The following KLHL7 variants were observed in gnomAD, a reference collection of about 807,000 sequenced individuals.
KLHL7 encodes the protein kelch like family member 7, also known as kelch-like protein 7.
KLHL7 carries 44 observed loss-of-function variants against 67.4 expected under a neutral mutation model. The ratio of observed to expected loss-of-function variants is 0.65; its 90% CI spans 0.51 to 0.84. KLHL7 has a LOEUF of 0.84. KLHL7 is among the 40% of genes least tolerant of loss of function. KLHL7 has a pLI of 0.00. For synonymous variants in KLHL7, 252 were observed against 243.3 expected (o/e 1.04, Z -0.33); for missense variants, 362 against 718.1 (o/e 0.50, Z 5.67).
chr7:23,153,038 C>G (rs536230784), intron 7 of KLHL7, among the ~76,000 whole-genome samples: 33 of 152,168 alleles, frequency 2.2e-4, no homozygotes, highest in African/African-American at 7.7e-4. Context: ...CCTGATGAGA[C>G]CAGAGCATTA....
intron 7 of KLHL7, among the ~76,000 whole-genome samples, chr7:23,153,107 C>G (rs12538942): frequency 0.28 from 43,199 of 152,088 alleles, 7,632 homozygotes; most frequent in Middle Eastern, 0.41. Context: ...TTGATAAAAA[C>G]TGACCTTAGG....
chr7:23,135,596 A>G (rs1012815678), intron 4 of KLHL7, among the ~76,000 whole-genome samples: 2 of 152,188 alleles, frequency 1.3e-5, no homozygotes, highest in African/African-American at 4.8e-5. Context: ...GTGACCTGCT[A>G]AACATGTATT....
intron 4 of KLHL7, among the ~76,000 whole-genome samples, chr7:23,138,216 C>T (rs1784050149): frequency 6.6e-6 from 1 of 151,026 alleles, no homozygotes; most frequent in African/African-American, 2.4e-5. Flanking sequence ...GTAATCCCAG[C>T]ACTTTGGAAG....
chr7:23,122,608 G>C (rs568901398), intron 1 of KLHL7, among the ~76,000 whole-genome samples: 1 of 152,122 alleles, frequency 6.6e-6, no homozygotes, highest in African/African-American at 2.4e-5. Context: ...TCAATACTAG[G>C]CCTTATTTGA....
chr7:23,120,066 G>A (rs751060111), intron 1 of KLHL7, among the ~76,000 whole-genome samples: 22 of 151,824 alleles, frequency 1.4e-4, no homozygotes, highest in African/African-American at 5.1e-4. Context: ...CTGGAGTGCC[G>A]TGGCACAATC....
At chr7:23,129,533 A>C in intron 4 of KLHL7, 1 of 241,902 alleles carries the variant, frequency 4.1e-6, no homozygotes. Flanking sequence ...AGGTCATTTA[A>C]ACAACACTTC....
intron 4 of KLHL7, among the ~76,000 whole-genome samples, chr7:23,139,726 A>G (rs1784112016): frequency 6.6e-6 from 1 of 152,254 alleles, no homozygotes; most frequent in Non-Finnish European, 1.5e-5. Context: ...AGTCAACATG[A>G]TTAAGGATGC....
intron 7 of KLHL7, among the ~76,000 whole-genome samples, chr7:23,158,594 A>T (rs1237143868): frequency 6.6e-6 from 1 of 152,218 alleles, no homozygotes; most frequent in African/African-American, 2.4e-5. Context: ...TTGTATGGTT[A>T]GCTGGTTGTA....
chr7:23,141,784 G>A (rs1047437448), intron 5 of KLHL7, among the ~76,000 whole-genome samples: 4 of 151,596 alleles, frequency 2.6e-5, no homozygotes, highest in South Asian at 2.1e-4. Context: ...CACCGTGCCC[G>A]GCTAATTTTT....
chr7:23,163,239 C>T (rs952894899), intron 7 of KLHL7, among the ~76,000 whole-genome samples: 5 of 150,840 alleles, frequency 3.3e-5, no homozygotes, highest in Non-Finnish European at 5.9e-5. Flanking sequence ...GGCGTGATCT[C>T]GGCTCACTGC....
chr7:23,139,895 T>A (rs1784117330), intron 4 of KLHL7, among the ~76,000 whole-genome samples: 1 of 151,582 alleles, frequency 6.6e-6, no homozygotes, highest in Non-Finnish European at 1.5e-5. Context: ...TTCTCCCTTT[T>A]CTCCTCCTCT....
chr7:23,162,607 C>G (rs1784883387), intron 7 of KLHL7, among the ~76,000 whole-genome samples: 1 of 152,194 alleles, frequency 6.6e-6, no homozygotes, highest in Admixed American at 6.5e-5. Context: ...TTCCCAGTTC[C>G]TTTGAACTAC....
intron 7 of KLHL7, among the ~76,000 whole-genome samples, chr7:23,162,577 G>A (rs1239381620): frequency 6.6e-6 from 1 of 152,180 alleles, no homozygotes; most frequent in Non-Finnish European, 1.5e-5. Context: ...TCCATACAGA[G>A]CCTGGCTTCA....
intron 1 of KLHL7, among the ~76,000 whole-genome samples, chr7:23,118,161 C>A (rs775921938): frequency 7.9e-5 from 12 of 152,178 alleles, no homozygotes; most frequent in Non-Finnish European, 1.3e-4. Flanking sequence ...GTCATGATAC[C>A]AACAGATGCC....
At chr7:23,132,145 T>C (rs1006955455) in intron 4 of KLHL7, among the ~76,000 whole-genome samples, 5 of 152,204 alleles carry the variant, frequency 3.3e-5, no homozygotes, top group African/African-American at 1.2e-4. Flanking sequence ...GATATACTGA[T>C]TTCCTTTCTT....
chr7:23,126,782 A>G (rs999118853), intron 4 of KLHL7, among the ~76,000 whole-genome samples: 3 of 152,230 alleles, frequency 2.0e-5, no homozygotes, highest in African/African-American at 7.2e-5. Context: ...AGGGAATAAA[A>G]ATGAGACTTA....
chr7:23,121,250 A>G (rs1173540224), intron 1 of KLHL7, among the ~76,000 whole-genome samples: 1 of 152,160 alleles, frequency 6.6e-6, no homozygotes, highest in Non-Finnish European at 1.5e-5. Context: ...CTGGACACCT[A>G]GGTTGACTCT....
At chr7:23,158,454 A>C (rs1784769461) in intron 7 of KLHL7, among the ~76,000 whole-genome samples, 1 of 152,194 alleles carries the variant, frequency 6.6e-6, no homozygotes, top group Admixed American at 6.5e-5. Flanking sequence ...CCAGAGGTGC[A>C]TTAAGAGCTG....
chr7:23,156,019 G>C (rs550952644), intron 7 of KLHL7: 1 of 465,676 alleles, frequency 2.1e-6, no homozygotes, highest in Non-Finnish European at 4.4e-6. Context: ...TCTTCTACAC[G>C]AGCCTGGAAG....
Sources: gnomAD v4.1 joint callset for allele counts (sites outside exome capture counted in the v4.1 genomes callset) on GRCh38, gnomAD v4.1.1 for gene constraint, MANE v1.5 for transcripts, NCBI Gene and HGNC (gene_info 2026-07-23, HGNC 2026-07-21) for gene names.